The following CLNK variants were observed in gnomAD, a reference collection of about 807,000 sequenced individuals.
CLNK encodes cytokine-dependent hematopoietic cell linker.
Under a neutral mutation model 68.6 loss-of-function variants are expected in CLNK, and 74 were observed. The observed-to-expected ratio is 1.08, with a 90% CI of 0.89 to 1.31. The LOEUF (loss-of-function observed/expected upper bound fraction) is 1.31. Ranked by LOEUF, CLNK falls within the 50% of genes most tolerant of loss-of-function variation. The pLI is 0.00. For missense variants in CLNK, 553 were observed against 515.3 expected (o/e 1.07, Z -0.71); for synonymous variants, 198 against 172.2 (o/e 1.15, Z -1.17).
intron 2 of CLNK, among the ~76,000 whole-genome samples, chr4:10,626,000 A>G (rs1722654608): frequency 6.6e-6 from 1 of 152,220 alleles, no homozygotes. Flanking sequence ...TCGTGTGTGG[A>G]AATGATTCCC....
chr4:10,497,921 C>T (rs1412052419), intron 18 of CLNK, among the ~76,000 whole-genome samples: 6 of 152,236 alleles, frequency 3.9e-5, no homozygotes, highest in Non-Finnish European at 8.8e-5. Context: ...CCTGGCCGGG[C>T]GCAGTGGCTC....
intron 1 of CLNK, among the ~76,000 whole-genome samples, chr4:10,675,382 G>A (rs776943067): frequency 3.3e-5 from 5 of 152,148 alleles, no homozygotes; most frequent in East Asian, 1.9e-4. Flanking sequence ...GGATTTTCAC[G>A]TGTCTTAATT....
At chr4:10,666,574 C>T (rs946366812) in intron 2 of CLNK, among the ~76,000 whole-genome samples, 2 of 152,206 alleles carry the variant, frequency 1.3e-5, no homozygotes, top group African/African-American at 4.8e-5. Context: ...TCTCAATGCT[C>T]TGAGCCATCT....
At position 10,621,229 on chromosome 4, in the gene CLNK, C is replaced by T. The variant is rs182822028; in HGVS notation, c.12-23180G>A. Among the ~76,000 whole-genome samples the T allele has an allele frequency of 2.0e-3, 304 of 152,254 alleles. 1 individual carries two copies. Among genetic ancestry groups the T allele is most frequent in the Non-Finnish European group, 3.7e-3 (254 of 68,034 alleles). ...GTTTTTCCACAGTATGTCCTTGAAA[C>T]GCGATAGAAGTGTCTTCCTGGAGAG... On this transcript the variant is annotated intron_variant, in intron 2 of 18. Coordinates refer to ENST00000226951, the MANE Select transcript of CLNK (RefSeq NM_052964.4).
At chr4:10,699,220 A>ATGTGTGTGTATACACACACACACACCACG in the CLNK span, among the ~76,000 whole-genome samples, 2 of 75,600 alleles carry the variant, frequency 2.6e-5, no homozygotes, top group African/African-American at 8.9e-5. Flanking sequence ...TACACACCAC[A>ATGTGTGTGTATACACACACACACACCACG]TATGTGTGTG....
intron 1 of CLNK, among the ~76,000 whole-genome samples, chr4:10,680,284 G>A (rs892995531): frequency 1.4e-4 from 21 of 147,394 alleles, no homozygotes; most frequent in South Asian, 8.7e-4. Context: ...ACCAAACACC[G>A]CATGTTCTCA....
At chr4:10,666,509 T>C (rs575048093) in intron 2 of CLNK, among the ~76,000 whole-genome samples, 3 of 152,158 alleles carry the variant, frequency 2.0e-5, no homozygotes, top group Non-Finnish European at 2.9e-5. Flanking sequence ...AAAGGAATAA[T>C]GGAAGGAGCA....
intron 3 of CLNK, among the ~76,000 whole-genome samples, chr4:10,596,647 C>T (rs1454080867): frequency 6.6e-6 from 1 of 151,790 alleles, no homozygotes; most frequent in Admixed American, 6.6e-5. Context: ...ATAAAATATG[C>T]AGTGGTATAG....
chr4:10,608,860 A>G (rs1721891707), intron 2 of CLNK, among the ~76,000 whole-genome samples: 1 of 152,192 alleles, frequency 6.6e-6, no homozygotes, highest in African/African-American at 2.4e-5. Flanking sequence ...CTACCCTTAG[A>G]ACTGGCGTTT....
At chr4:10,541,589 T>C (rs568154908) in intron 10 of CLNK, among the ~76,000 whole-genome samples, 1 of 133,394 alleles carries the variant, frequency 7.5e-6, no homozygotes, top group East Asian at 2.0e-4. Context: ...ATATGTGTCA[T>C]ATATATATGT....
chr4:10,624,892 A>T (rs1399580646), intron 2 of CLNK, among the ~76,000 whole-genome samples: 1 of 152,072 alleles, frequency 6.6e-6, no homozygotes, highest in African/African-American at 2.4e-5. Flanking sequence ...TCCGCCCCAC[A>T]TCTCTAAACT....
the CLNK span, among the ~76,000 whole-genome samples, chr4:10,692,381 C>T: frequency 6.6e-6 from 1 of 152,126 alleles, no homozygotes; most frequent in Non-Finnish European, 1.5e-5. Flanking sequence ...AAGTGAGGGC[C>T]GCATTCACAG....
At chr4:10,592,382 G>GT (rs1450749520) in intron 3 of CLNK, among the ~76,000 whole-genome samples, 1 of 152,132 alleles carries the variant, frequency 6.6e-6, no homozygotes, top group African/African-American at 2.4e-5. Context: ...TGCCAGACAT[G>GT]TTTTAGCTCA....
At chr4:10,698,107 C>T in the CLNK span, among the ~76,000 whole-genome samples, 17 of 152,210 alleles carry the variant, frequency 1.1e-4, no homozygotes, top group Non-Finnish European at 4.4e-5. Flanking sequence ...GGTGAACATC[C>T]ATGAACTATT....
intron 1 of CLNK, among the ~76,000 whole-genome samples, chr4:10,675,068 G>A (rs1044049819): frequency 2.0e-5 from 3 of 152,112 alleles, no homozygotes; most frequent in Non-Finnish European, 4.4e-5. Flanking sequence ...GGGTTGGATG[G>A]ATGCAGCAAA....
At chr4:10,605,139 G>A (rs971420519) in intron 2 of CLNK, among the ~76,000 whole-genome samples, 4 of 152,116 alleles carry the variant, frequency 2.6e-5, no homozygotes, top group Admixed American at 6.5e-5. Context: ...ACTCTTACCC[G>A]GATCTCTCGC....
intron 10 of CLNK, 65 bp downstream of exon 10, chr4:10,541,957 T>C: frequency 1.6e-6 from 2 of 1,225,008 alleles, no homozygotes; most frequent in Non-Finnish European, 1.2e-6. Context: ...GTTTCTCTTT[T>C]TCAGATGCTG....
At chr4:10,496,004 C>T (rs1206489399) in intron 18 of CLNK, among the ~76,000 whole-genome samples, 1 of 152,182 alleles carries the variant, frequency 6.6e-6, no homozygotes, top group Non-Finnish European at 1.5e-5. Context: ...TGATATTGGA[C>T]TCCTGGCCTC....
chr4:10,714,714 G>A, the CLNK span, among the ~76,000 whole-genome samples: 34 of 151,224 alleles, frequency 2.2e-4, 1 homozygote, highest in South Asian at 1.7e-3. Flanking sequence ...GTGTGTGTGC[G>A]TGTGAGTAGC....
Sources: allele counts gnomAD v4.1 joint callset (sites outside exome capture counted in the v4.1 genomes callset), GRCh38; gene constraint gnomAD v4.1.1; transcripts MANE v1.5; gene names NCBI Gene and HGNC (gene_info 2026-07-23, HGNC 2026-07-21).